Variants in KIAA1958 observed in about 807,000 individuals in gnomAD.
KIAA1958 encodes the protein uncharacterized protein KIAA1958.
A neutral mutation model predicts 47.2 loss-of-function variants in KIAA1958; 14 were observed. That is an observed-to-expected ratio of 0.30 (90% CI 0.20 to 0.46). The LOEUF (loss-of-function observed/expected upper bound fraction) is 0.46. Among genes scored for constraint, KIAA1958 ranks in the 20% least tolerant of loss-of-function variants. The pLI is 1.00. For synonymous variants in KIAA1958, 354 were observed against 353.3 expected, an observed-to-expected ratio of 1.00 and a Z score of -0.02; for missense variants, 803 against 909.2, an observed-to-expected ratio of 0.88 and a Z score of 1.50.
intron 2 of KIAA1958, among the ~76,000 whole-genome samples, chr9:112,600,587 C>T (rs113195582): frequency 1.6e-4 from 24 of 152,106 alleles, no homozygotes; most frequent in African/African-American, 2.9e-4. Context: ...ATGGAATGGA[C>T]GGTCTCCTAA....
chr9:112,513,239 A>G (rs1008541557), intron 1 of KIAA1958, among the ~76,000 whole-genome samples: 1 of 127,758 alleles, frequency 7.8e-6, no homozygotes, highest in African/African-American at 3.1e-5. Context: ...TCCTGACCTC[A>G]GGTGATCCAC....
At chr9:112,566,344 A>G (rs1233681953) in intron 1 of KIAA1958, among the ~76,000 whole-genome samples, 2 of 152,164 alleles carry the variant, frequency 1.3e-5, no homozygotes, top group Non-Finnish European at 2.9e-5. Flanking sequence ...CAGCAAAGGT[A>G]CTATTTTACT....
At chr9:112,491,514 A>T (rs891491875) in intron 1 of KIAA1958, among the ~76,000 whole-genome samples, 1 of 151,540 alleles carries the variant, frequency 6.6e-6, no homozygotes, top group African/African-American at 2.4e-5. Flanking sequence ...ACAAAAAGTA[A>T]TATGTATGGA....
chr9:112,499,688 CTTTTTTTTT>C (rs917810043), intron 1 of KIAA1958, among the ~76,000 whole-genome samples: 14 of 130,504 alleles, frequency 1.1e-4, no homozygotes, highest in Non-Finnish European at 1.8e-4. Context: ...ACATTTTTTT[CTTTTTTTTT>C]TTTTTTTTTG....
chr9:112,525,067 C>T (rs1834617445), intron 1 of KIAA1958, among the ~76,000 whole-genome samples: 1 of 152,152 alleles, frequency 6.6e-6, no homozygotes, highest in African/African-American at 2.4e-5. Flanking sequence ...TCATTTGTAT[C>T]TAAACCAGTT....
chr9:112,522,398 G>A (rs912642100), intron 1 of KIAA1958, among the ~76,000 whole-genome samples: 1 of 152,134 alleles, frequency 6.6e-6, no homozygotes, highest in East Asian at 1.9e-4. Context: ...AGTCACCCAG[G>A]TTTCACCTTG....
intron 2 of KIAA1958, chr9:112,581,887 A>T (rs1185204024): frequency 4.3e-6 from 1 of 231,388 alleles, no homozygotes; most frequent in African/African-American, 2.3e-5. Context: ...CACGTCTGAG[A>T]TCAGACCAGA....
At chr9:112,523,334 C>A (rs1363439862) in intron 1 of KIAA1958, among the ~76,000 whole-genome samples, 1 of 151,958 alleles carries the variant, frequency 6.6e-6, no homozygotes, top group Non-Finnish European at 1.5e-5. Context: ...ACCTGTAGTC[C>A]CAGCTACTTG....
chr9:112,528,888 G>A (rs1588003513), intron 1 of KIAA1958, among the ~76,000 whole-genome samples: 2 of 152,150 alleles, frequency 1.3e-5, no homozygotes, highest in African/African-American at 4.8e-5. Context: ...TATAATCAGT[G>A]TTTGTAGAAT....
At chr9:112,571,454 C>T (rs760184073) in intron 1 of KIAA1958, among the ~76,000 whole-genome samples, 4 of 152,132 alleles carry the variant, frequency 2.6e-5, no homozygotes, top group Non-Finnish European at 1.5e-5. Context: ...GATTATGATG[C>T]GAACCCCTTC....
intron 3 of KIAA1958, among the ~76,000 whole-genome samples, chr9:112,657,215 G>C (rs1837166092): frequency 6.6e-6 from 1 of 151,830 alleles, no homozygotes; most frequent in African/African-American, 2.4e-5. Flanking sequence ...AGCCTCCCAA[G>C]TAGCTGGGAC....
At chr9:112,518,538 A>T (rs139324465) in intron 1 of KIAA1958, among the ~76,000 whole-genome samples, 20 of 152,344 alleles carry the variant, frequency 1.3e-4, no homozygotes, top group African/African-American at 3.8e-4. Flanking sequence ...TGGAAAACAG[A>T]TGAGTGTTTG....
chr9:112,560,009 A>G (rs1486653545), intron 1 of KIAA1958, among the ~76,000 whole-genome samples: 1 of 152,020 alleles, frequency 6.6e-6, no homozygotes, highest in East Asian at 1.9e-4. Flanking sequence ...AAAAACATGA[A>G]TGATTGGGAA....
intron 2 of KIAA1958, among the ~76,000 whole-genome samples, chr9:112,578,139 A>T (rs1398101708): frequency 2.0e-5 from 3 of 152,152 alleles, no homozygotes; most frequent in Admixed American, 2.0e-4. Flanking sequence ...AATCAGACTC[A>T]TATTTTTCTT....
intron 1 of KIAA1958, among the ~76,000 whole-genome samples, chr9:112,500,226 G>A (rs1349147668): frequency 2.0e-5 from 3 of 151,876 alleles, no homozygotes; most frequent in Non-Finnish European, 4.4e-5. Flanking sequence ...TCAGCCTCCC[G>A]AGTAGCTGGG....
At chr9:112,648,804 C>T (rs1320682254) in intron 3 of KIAA1958, among the ~76,000 whole-genome samples, 3 of 152,090 alleles carry the variant, frequency 2.0e-5, no homozygotes, top group Non-Finnish European at 2.9e-5. Flanking sequence ...ATCTAGAACA[C>T]AAGAGATAAA....
intron 2 of KIAA1958, among the ~76,000 whole-genome samples, chr9:112,584,981 A>G (rs1426355498): frequency 6.6e-6 from 1 of 152,194 alleles, no homozygotes; most frequent in Non-Finnish European, 1.5e-5. Flanking sequence ...ACTTATCCAA[A>G]GTCGAGACTG....
chr9:112,591,660 A>G (rs1835924253), intron 2 of KIAA1958, among the ~76,000 whole-genome samples: 1 of 151,862 alleles, frequency 6.6e-6, no homozygotes, highest in African/African-American at 2.4e-5. Flanking sequence ...TGGGATTCTG[A>G]GATTGGAGGA....
intron 1 of KIAA1958, among the ~76,000 whole-genome samples, chr9:112,565,378 A>G (rs7856407): frequency 0.29 from 43,586 of 152,178 alleles, 6,381 homozygotes; most frequent in Middle Eastern, 0.4. Flanking sequence ...TGCTGGGATT[A>G]CAGGCATGAG....
Sources: allele counts gnomAD v4.1 joint callset (sites outside exome capture counted in the v4.1 genomes callset), GRCh38; gene constraint gnomAD v4.1.1; transcripts MANE v1.5; gene names NCBI Gene and HGNC (gene_info 2026-07-23, HGNC 2026-07-21).